The following ZFPM2 variants were observed in gnomAD, a reference collection of about 807,000 sequenced individuals.
ZFPM2 encodes the protein zinc finger protein ZFPM2.
Under a neutral mutation model 98.6 loss-of-function variants are expected in ZFPM2, and 20 were observed. The observed-to-expected ratio is 0.20, with a 90% CI of 0.14 to 0.29. ZFPM2 has a LOEUF of 0.29. Among genes scored for constraint, ZFPM2 ranks in the 10% least tolerant of loss-of-function variants. The pLI is 1.00. For synonymous variants in ZFPM2, 518 were observed against 502.7 expected, an observed-to-expected ratio of 1.03 and a Z score of -0.41; for missense variants, 1,310 against 1,388.6, an observed-to-expected ratio of 0.94 and a Z score of 0.90.
In ZFPM2 at chr8:105,364,656, C is replaced by T. The variant is rs1169835351; in HGVS notation, c.40+45675C>T. Reference sequence around the variant, plus strand: ...ATATAGTATCCATGCTGCAAGAATACCAAAAAAAAAAAAAAATGGATCCTT... The same window carrying T: ...ATATAGTATCCATGCTGCAAGAATATCAAAAAAAAAAAAAAATGGATCCTT... On this transcript the variant is annotated intron_variant, in intron 1 of 7. Transcript: ENST00000407775. 3.5e-5 allele frequency among the ~76,000 whole-genome samples: 5 copies of T among 144,188 alleles called. No homozygotes were observed. In the East Asian group the frequency reaches 6.1e-4, roughly 17 times the overall value. 94.6% of individuals were successfully genotyped at this position (144,188 alleles called of 152,430 possible).
chr8:105,511,831 C>G (rs1177463448), intron 3 of ZFPM2, among the ~76,000 whole-genome samples: 3 of 152,138 alleles, frequency 2.0e-5, no homozygotes, highest in Admixed American at 6.5e-5. Context: ...TTATGGTACT[C>G]AAGAGTGAAC....
chr8:105,446,756 C>T (rs538573463), intron 3 of ZFPM2, among the ~76,000 whole-genome samples: 2 of 151,986 alleles, frequency 1.3e-5, no homozygotes, highest in East Asian at 1.9e-4. Context: ...ATTTCTTCTT[C>T]GTCTATTATA....
At chr8:105,646,343 G>A (rs950232397) in intron 5 of ZFPM2, among the ~76,000 whole-genome samples, 3 of 152,112 alleles carry the variant, frequency 2.0e-5, no homozygotes, top group African/African-American at 7.2e-5. Flanking sequence ...GTAGTGTCGG[G>A]TGGTTCGTTG....
intron 5 of ZFPM2, among the ~76,000 whole-genome samples, chr8:105,667,285 G>A (rs1384372487): frequency 1.3e-5 from 2 of 152,154 alleles, no homozygotes; most frequent in African/African-American, 4.8e-5. Flanking sequence ...TATCTGAAGA[G>A]ATTAGTGGTG....
At chr8:105,647,494 A>G (rs1037072534) in intron 5 of ZFPM2, among the ~76,000 whole-genome samples, 7 of 151,664 alleles carry the variant, frequency 4.6e-5, no homozygotes, top group Admixed American at 1.3e-4. Context: ...CATCATTTAC[A>G]TTAGGTATAT....
chr8:105,782,751 A>G (rs184961051), intron 5 of ZFPM2, among the ~76,000 whole-genome samples: 61 of 152,284 alleles, frequency 4.0e-4, no homozygotes, highest in African/African-American at 1.4e-3. Context: ...TATGGAGCAT[A>G]TATTTACATT....
chr8:105,413,194 C>G (rs1411703693), intron 1 of ZFPM2, among the ~76,000 whole-genome samples: 2 of 151,768 alleles, frequency 1.3e-5, no homozygotes, highest in African/African-American at 4.8e-5. Flanking sequence ...AACAGAAATA[C>G]AAGCCAAGAA....
chr8:105,781,376 A>C (rs1381639518), intron 5 of ZFPM2, among the ~76,000 whole-genome samples: 29 of 152,184 alleles, frequency 1.9e-4, no homozygotes, highest in Non-Finnish European at 3.7e-4. Context: ...GGCACATAGT[A>C]AGTGCTTTCT....
At chr8:105,702,663 A>G (rs574344342) in intron 5 of ZFPM2, among the ~76,000 whole-genome samples, 2 of 152,248 alleles carry the variant, frequency 1.3e-5, no homozygotes, top group African/African-American at 4.8e-5. Context: ...TTCATCCTCA[A>G]CCCCAAAAGG....
intron 3 of ZFPM2, among the ~76,000 whole-genome samples, chr8:105,466,363 T>A (rs1363725452): frequency 6.6e-6 from 1 of 152,024 alleles, no homozygotes; most frequent in Non-Finnish European, 1.5e-5. Context: ...TTTAAAACAG[T>A]TTAAAACAAC....
At chr8:105,746,655 A>ATTT (rs1812355645) in intron 5 of ZFPM2, among the ~76,000 whole-genome samples, 1 of 92,044 alleles carries the variant, frequency 1.1e-5, no homozygotes, top group Non-Finnish European at 2.2e-5. Context: ...GTTTTTAAAA[A>ATTT]TTTTTTTTTT....
intron 1 of ZFPM2, among the ~76,000 whole-genome samples, chr8:105,360,704 A>G (rs975268183): frequency 7.0e-6 from 1 of 142,618 alleles, no homozygotes; most frequent in African/African-American, 2.6e-5. Context: ...ATTCCCACCT[A>G]TGAGTGAGAA....
chr8:105,588,531 T>C (rs1450863798), intron 4 of ZFPM2, among the ~76,000 whole-genome samples: 1 of 152,240 alleles, frequency 6.6e-6, no homozygotes, highest in Non-Finnish European at 1.5e-5. Flanking sequence ...ATTCTTCCCA[T>C]TGACCCTTTG....
intron 1 of ZFPM2, among the ~76,000 whole-genome samples, chr8:105,345,406 C>G (rs1401799889): frequency 1.5e-5 from 2 of 136,964 alleles, no homozygotes; most frequent in African/African-American, 2.6e-5. Flanking sequence ...GCTGACATAT[C>G]TAGCTTATTC....
chr8:105,676,584 C>T (rs1321182896), intron 5 of ZFPM2, among the ~76,000 whole-genome samples: 2 of 151,594 alleles, frequency 1.3e-5, no homozygotes, highest in Non-Finnish European at 2.9e-5. Flanking sequence ...TGTAAAAATA[C>T]GCATGGAAAA....
chr8:105,601,593 T>G (rs1270695225), intron 4 of ZFPM2, among the ~76,000 whole-genome samples: 1 of 152,096 alleles, frequency 6.6e-6, no homozygotes, highest in Admixed American at 6.6e-5. Context: ...ATAACCCAGG[T>G]TTGGATGTAA....
intron 5 of ZFPM2, among the ~76,000 whole-genome samples, chr8:105,725,685 G>C (rs1196605544): frequency 6.6e-6 from 1 of 151,700 alleles, no homozygotes; most frequent in East Asian, 2.0e-4. Context: ...CAGCTCAGAA[G>C]CCAATTCCTA....
intron 1 of ZFPM2, among the ~76,000 whole-genome samples, chr8:105,332,686 G>C (rs935924995): frequency 2.0e-4 from 31 of 151,734 alleles, no homozygotes; most frequent in African/African-American, 7.5e-4. Flanking sequence ...GGTATAAATT[G>C]CTGTGGGCAT....
In ZFPM2 at chr8:105,801,871, C is replaced by T. The variant is rs1814030464; in HGVS notation, c.1789C>T (p.Pro597Ser). The change falls in exon 8 of 8, where the codon CCC becomes TCC. Residue 597 changes from proline to serine, a missense_variant. Coordinates refer to ENST00000407775, the MANE Select transcript of ZFPM2 (RefSeq NM_012082.4). ...VSEKMPEALS[P>S]NTGQTSINLL... ...AGAAAAGATGCCTGAAGCTTTGAGT[C>T]CCAACACTGGCCAAACCTCCATAAA... The T allele has an allele frequency of 6.2e-7, 1 of 1,613,942 alleles. No homozygotes were observed. The highest frequency in any genetic ancestry group is 8.5e-7 in the Non-Finnish European group (1 of 1,179,852).
Sources: allele counts gnomAD v4.1 joint callset (sites outside exome capture counted in the v4.1 genomes callset), GRCh38; gene constraint gnomAD v4.1.1; transcripts MANE v1.5; gene names NCBI Gene and HGNC (gene_info 2026-07-23, HGNC 2026-07-21).